Variants in TLR6 observed in about 807,000 individuals in gnomAD.
The protein encoded by TLR6 is toll-like receptor 6.
In TLR6, 9 loss-of-function variants were observed where a neutral mutation model predicts 16.1. The ratio of observed to expected loss-of-function variants is 0.56; its 90% CI spans 0.34 to 0.98. The LOEUF is 0.98. Ranked by LOEUF, TLR6 falls within the 50% of genes least tolerant of loss-of-function variation. The probability of loss-of-function intolerance (pLI) is 0.02; values close to 1 mark genes in which losing one functional copy is unlikely to be tolerated. For synonymous variants in TLR6, 340 were observed against 338.6 expected (o/e 1.00, Z -0.04); for missense variants, 786 against 921.0 (o/e 0.85, Z 1.90).
At chr4:38,828,881 G>T in exon 2 of TLR6, 1 of 1,612,960 alleles carries the variant, frequency 6.2e-7, no homozygotes, top group Non-Finnish European at 8.5e-7. Context: ...AAGGTGAAGG[G>T]TTTTTGCATT....
chr4:38,829,267 G>C (rs771982032), exon 2 of TLR6: 42 of 1,614,046 alleles, frequency 2.6e-5, no homozygotes, highest in Non-Finnish European at 5.1e-6. Flanking sequence ...TCATGTCAGA[G>C]ACCTGAAGCT....
chr4:38,827,203 C>A, exon 2 of TLR6: 1 of 1,614,080 alleles, frequency 6.2e-7, no homozygotes, highest in East Asian at 2.2e-5. Flanking sequence ...AATAAGTCCG[C>A]TGCGTCATGA....
chr4:38,862,590 ATTTTTTTTTTT>A, the TLR6 span, among the ~76,000 whole-genome samples: 1 of 73,718 alleles, frequency 1.4e-5, no homozygotes, highest in African/African-American at 6.2e-5. Flanking sequence ...CCCAATCACC[ATTTTTTTTTTT>A]TTTTTTTTTT....
chr4:38,847,038 T>C (rs1712558335), intron 1 of TLR6, among the ~76,000 whole-genome samples: 1 of 152,130 alleles, frequency 6.6e-6, no homozygotes. Context: ...GTTTCTGAGA[T>C]TGTAGAAATG....
At chr4:38,862,094 G>A in the TLR6 span, among the ~76,000 whole-genome samples, 1 of 152,064 alleles carries the variant, frequency 6.6e-6, no homozygotes, top group African/African-American at 2.4e-5. Context: ...AATTCTATAA[G>A]CCTCCCCTGC....
At chr4:38,851,423 A>G (rs937224666) in intron 1 of TLR6, among the ~76,000 whole-genome samples, 7 of 152,236 alleles carry the variant, frequency 4.6e-5, no homozygotes, top group Admixed American at 6.5e-5. Flanking sequence ...AGGGTATTCA[A>G]TTAGGAAAAG....
At chr4:38,865,312 TAAATAAAATATCTG>T in the TLR6 span, among the ~76,000 whole-genome samples, 1 of 152,162 alleles carries the variant, frequency 6.6e-6, no homozygotes. Context: ...ACATTGCAAA[TAAATAAAATATCTG>T]AAATAAAATC....
chr4:38,830,930 T>C (rs1579241534), intron 1 of TLR6, among the ~76,000 whole-genome samples: 1 of 152,150 alleles, frequency 6.6e-6, no homozygotes, highest in Non-Finnish European at 1.5e-5. Context: ...GAGATTGTTA[T>C]CTTTTTGATT....
exon 2 of TLR6, chr4:38,827,291 G>T: frequency 6.2e-7 from 1 of 1,614,110 alleles, no homozygotes. Context: ...TAAGTTATTA[G>T]ATCCTTCATG....
At chr4:38,827,535 A>T in exon 2 of TLR6, 1 of 1,614,202 alleles carries the variant, frequency 6.2e-7, no homozygotes, top group Non-Finnish European at 8.5e-7. Context: ...TCACTATATG[A>T]AATAAAAGCA....
At chr4:38,833,165 A>G (rs967261171) in intron 1 of TLR6, among the ~76,000 whole-genome samples, 1 of 152,134 alleles carries the variant, frequency 6.6e-6, no homozygotes, top group African/African-American at 2.4e-5. Flanking sequence ...TGCCACACAA[A>G]TTGTGCAGGG....
chr4:38,859,859 C>A (rs1713158431), upstream of TLR6, among the ~76,000 whole-genome samples: 1 of 152,046 alleles, frequency 6.6e-6, no homozygotes, highest in Non-Finnish European at 1.5e-5. Context: ...AGCCACCCCG[C>A]CCGGCCTCTT....
chr4:38,840,756 A>G (rs1438911286), intron 1 of TLR6, among the ~76,000 whole-genome samples: 1 of 152,216 alleles, frequency 6.6e-6, no homozygotes, highest in Non-Finnish European at 1.5e-5. Context: ...CCAAATCAAC[A>G]CAGAAGCACG....
chr4:38,858,814 G>GAAGA (rs1234903987), upstream of TLR6, among the ~76,000 whole-genome samples: 1 of 30,482 alleles, frequency 3.3e-5, no homozygotes, highest in African/African-American at 1.3e-4. Context: ...AGAGAGAGAG[G>GAAGA]GAGAGAGAGA....
At chr4:38,846,906 A>G (rs1712553960) in intron 1 of TLR6, among the ~76,000 whole-genome samples, 1 of 152,148 alleles carries the variant, frequency 6.6e-6, no homozygotes, top group African/African-American at 2.4e-5. Flanking sequence ...AGTAATTATG[A>G]GAAAATACAA....
At chr4:38,854,476 G>A (rs1712889838) in intron 1 of TLR6, among the ~76,000 whole-genome samples, 1 of 152,098 alleles carries the variant, frequency 6.6e-6, no homozygotes, top group African/African-American at 2.4e-5. Flanking sequence ...CATAAAAAGA[G>A]GAAGGGGGTC....
chr4:38,850,397 G>A (rs974794722), intron 1 of TLR6, among the ~76,000 whole-genome samples: 2 of 152,128 alleles, frequency 1.3e-5, no homozygotes, highest in African/African-American at 4.8e-5. Flanking sequence ...AACTGAAGGA[G>A]ATAGAGACAC....
intron 1 of TLR6, among the ~76,000 whole-genome samples, chr4:38,856,237 G>A (rs928657912): frequency 1.3e-4 from 20 of 152,148 alleles, no homozygotes; most frequent in African/African-American, 4.8e-4. Context: ...TACGCACTAG[G>A]CACCAGGGAT....
At chr4:38,865,098 G>T in the TLR6 span, among the ~76,000 whole-genome samples, 8 of 152,160 alleles carry the variant, frequency 5.3e-5, no homozygotes, top group Non-Finnish European at 1.0e-4. Context: ...CAATGGAAGG[G>T]ATAGGGTTTC....
Sources: allele counts gnomAD v4.1 joint callset (sites outside exome capture counted in the v4.1 genomes callset), GRCh38; gene constraint gnomAD v4.1.1; transcripts MANE v1.5; gene names NCBI Gene and HGNC (gene_info 2026-07-23, HGNC 2026-07-21).